Variants in BCAS3 observed in about 807,000 individuals in gnomAD.
The protein encoded by BCAS3 is BCAS3 microtubule associated cell migration factor.
Under a neutral mutation model 116.1 loss-of-function variants are expected in BCAS3, and 53 were observed. That is an observed-to-expected ratio of 0.46 (90% CI 0.37 to 0.57). The LOEUF (loss-of-function observed/expected upper bound fraction) is 0.57, where lower values mean the gene tolerates loss of function less well. BCAS3 is among the 20% of genes least tolerant of loss of function. The pLI is 0.00. For missense variants in BCAS3, 917 were observed against 1,165.4 expected (o/e 0.79, Z 3.10); for synonymous variants, 391 against 408.2 (o/e 0.96, Z 0.51).
chr17:61,046,042 TATATA>T (rs2068233301), intron 19 of BCAS3, among the ~76,000 whole-genome samples: 1 of 17,014 alleles, frequency 5.9e-5, no homozygotes, highest in Non-Finnish European at 8.3e-5. Flanking sequence ...TATTTATATA[TATATA>T]ATATATATAT....
chr17:61,086,758 CAT>C (rs1391346683), intron 22 of BCAS3: 6 of 985,322 alleles, frequency 6.1e-6, no homozygotes, highest in South Asian at 4.7e-5. Flanking sequence ...AACAGTGAAA[CAT>C]GTGTGCTGCC....
rs1477456175 is a variant in BCAS3 at position 61,325,524 on chromosome 17, G to C, written c.2426-42803G>C. On this transcript the variant is annotated intron_variant, in intron 22 of 23. Coordinates refer to ENST00000407086, the MANE Select transcript of BCAS3 (RefSeq NM_017679.5). This position sits in a 1 kb window ranked among gnomAD's most constrained non-coding sequence, Gnocchi z 6.4. Reference sequence around the variant, plus strand: ...ACCAATTCATTCTTGGTCAGTGGCAGGCACATTTCACACTGAATTCCACCC... The same window carrying C: ...ACCAATTCATTCTTGGTCAGTGGCACGCACATTTCACACTGAATTCCACCC... 6.6e-6 allele frequency among the ~76,000 whole-genome samples: 1 copy of C among 152,166 alleles called. No homozygotes were observed. Among genetic ancestry groups the C allele is most frequent in the Non-Finnish European group, 1.5e-5 (1 of 68,034 alleles).
chr17:60,838,414 G>A (rs1040095494), intron 7 of BCAS3, among the ~76,000 whole-genome samples: 1 of 151,962 alleles, frequency 6.6e-6, no homozygotes, highest in Admixed American at 6.6e-5. Context: ...GTGGTGAGGT[G>A]GGTGTGGGGA....
At chr17:60,974,231 G>A (rs932147498) in intron 14 of BCAS3, among the ~76,000 whole-genome samples, 3 of 152,034 alleles carry the variant, frequency 2.0e-5, no homozygotes, top group Non-Finnish European at 4.4e-5. Flanking sequence ...TGAGTTTTTG[G>A]TGGTGAATTC....
At chr17:61,096,438 T>C (rs1253730091) in intron 22 of BCAS3, among the ~76,000 whole-genome samples, 1 of 152,162 alleles carries the variant, frequency 6.6e-6, no homozygotes, top group Admixed American at 6.5e-5. Context: ...GCACCTGTAG[T>C]CTTAGCTACC....
chr17:61,107,389 T>C (rs539472388), intron 22 of BCAS3, among the ~76,000 whole-genome samples: 20 of 152,204 alleles, frequency 1.3e-4, no homozygotes, highest in African/African-American at 4.3e-4. Flanking sequence ...CTGGCCACTT[T>C]TGTGTCATTT....
chr17:60,811,506 G>T, intron 7 of BCAS3: 2 of 419,062 alleles, frequency 4.8e-6, no homozygotes, highest in East Asian at 5.7e-5. Flanking sequence ...GGAGGCCAAT[G>T]AAAAGTTCAG....
Position 60,994,785 on chromosome 17 carries a change from C to A in BCAS3, c.1486+4550C>A, listed in dbSNP as rs2063735480. Among the ~76,000 whole-genome samples the A allele has an allele frequency of 6.6e-6, 1 of 152,136 alleles. No individual in the cohort carries two copies. ...TACTAAGCAAGCTAAAATATTACTG[C>A]CTCTCTTAAGCCTTCTTTTGATTTT... On this transcript the variant is annotated intron_variant, in intron 15 of 23. Transcript: ENST00000407086. The surrounding 1 kb of genome is among the most constrained non-coding windows in gnomAD (Gnocchi z 4.4).
chr17:60,982,594 C>G (rs8079068), intron 14 of BCAS3, among the ~76,000 whole-genome samples: 15,792 of 152,140 alleles, frequency 0.1, 2,463 homozygotes, highest in African/African-American at 0.34. Context: ...TTTCCTCTCT[C>G]TACTGTGGAG....
Position 61,087,842 on chromosome 17 carries a change from A to G in BCAS3, c.2425+3278A>G, listed in dbSNP as rs1039900300. ...AGTTCTATAACTGCTTGATGAGTAG[A>G]TGTTATTCCCATAACATCTGTCTCA... On this transcript the variant is annotated intron_variant, in intron 22 of 23. Transcript: ENST00000407086. This position sits in a 1 kb window ranked among gnomAD's most constrained non-coding sequence, Gnocchi z 4.6. Among the ~76,000 whole-genome samples, 2 of 152,104 alleles carry G rather than the reference A, an allele frequency of 1.3e-5. No individual in the cohort carries two copies. The highest frequency in any genetic ancestry group is 4.8e-5 in the African/African-American group (2 of 41,398).
At chr17:60,811,592 A>G (rs566555490) in intron 7 of BCAS3, 165 of 332,970 alleles carry the variant, frequency 5.0e-4, no homozygotes, top group African/African-American at 3.2e-3. Flanking sequence ...ATTTTAAAGC[A>G]GCTATTATAA....
At chr17:60,818,412 C>A (rs2049629806) in intron 7 of BCAS3, among the ~76,000 whole-genome samples, 1 of 152,090 alleles carries the variant, frequency 6.6e-6, no homozygotes, top group South Asian at 2.1e-4. Flanking sequence ...GACTTTATTT[C>A]AACGTTTGTC....
At chr17:61,195,816 A>G (rs1250909675) in intron 22 of BCAS3, among the ~76,000 whole-genome samples, 3 of 152,208 alleles carry the variant, frequency 2.0e-5, no homozygotes. Context: ...TTGTGACTAC[A>G]GTTATGCACA....
chr17:61,000,188 G>A (rs532311876), intron 15 of BCAS3, among the ~76,000 whole-genome samples: 1 of 152,274 alleles, frequency 6.6e-6, no homozygotes, highest in African/African-American at 2.4e-5. Flanking sequence ...AGTGGTGAGA[G>A]TAGACATCTT....
Position 61,380,426 on chromosome 17 carries a change from A to T in BCAS3, c.2594-11551A>T. ...TCAAACCAGATTTGGGTATCGACTC[A>T]CTTTGATCTCAGCTCTTCCTGCTCT... On this transcript the variant is annotated intron_variant, in intron 23 of 23. Coordinates refer to ENST00000407086, the MANE Select transcript of BCAS3 (RefSeq NM_017679.5). This position sits in a 1 kb window ranked among gnomAD's most constrained non-coding sequence, Gnocchi z 4.2. The T allele has an allele frequency of 7.3e-7, 1 of 1,372,106 alleles. No individual in the cohort carries two copies. The highest frequency in any genetic ancestry group is 1.0e-6 in the Non-Finnish European group (1 of 989,046). The allele number at this position is 1,372,106 out of a possible 1,614,324, so 85.0% of individuals were successfully genotyped here. A position where few individuals can be genotyped will look rare whatever the true frequency, so the allele number is the denominator to read the frequency against.
intron 13 of BCAS3, among the ~76,000 whole-genome samples, chr17:60,936,223 G>A (rs1309006744): frequency 6.6e-6 from 1 of 150,442 alleles, no homozygotes; most frequent in African/African-American, 2.5e-5. Flanking sequence ...ATTCCATGGT[G>A]TATATGTGCC....
chr17:61,082,765 A>C lies in BCAS3; in HGVS notation c.2328-1702A>C, dbSNP rs190003967. On this transcript the variant is annotated intron_variant, in intron 21 of 23. Coordinates refer to ENST00000407086, the MANE Select transcript of BCAS3 (RefSeq NM_017679.5). This position sits in a 1 kb window ranked among gnomAD's most constrained non-coding sequence, Gnocchi z 5.1. ...CTAACCACTGCCGAGATGTGATGAG[A>C]TTACCATGATTGGCTTAGAAAAATT... 1.3e-5 allele frequency among the ~76,000 whole-genome samples: 2 copies of C among 152,312 alleles called. No homozygotes were observed. Among genetic ancestry groups the C allele is most frequent in the Admixed American group, 1.3e-4 (2 of 15,302 alleles).
At chr17:61,296,588 T>C (rs1201317082) in intron 22 of BCAS3, among the ~76,000 whole-genome samples, 1 of 152,242 alleles carries the variant, frequency 6.6e-6, no homozygotes, top group Non-Finnish European at 1.5e-5. Flanking sequence ...CAGTTATTAC[T>C]ATGTTTTTCT....
intron 16 of BCAS3, among the ~76,000 whole-genome samples, chr17:61,022,536 G>T (rs1033098616): frequency 6.6e-6 from 1 of 152,164 alleles, no homozygotes; most frequent in African/African-American, 2.4e-5. Context: ...GAGCCACCGC[G>T]CCCAGCCTAT....
Sources: allele counts gnomAD v4.1 joint callset (sites outside exome capture counted in the v4.1 genomes callset), GRCh38; gene constraint gnomAD v4.1.1; non-coding constraint Gnocchi (gnomAD v3.1); transcripts MANE v1.5; gene names NCBI Gene and HGNC (gene_info 2026-07-23, HGNC 2026-07-21).